Variants in SYN3 observed in about 807,000 individuals in gnomAD.
SYN3 encodes the protein synapsin III, also known as synapsin-3.
SYN3 carries 35 observed loss-of-function variants against 65.8 expected under a neutral mutation model. The observed-to-expected ratio is 0.53, with a 90% CI of 0.41 to 0.70. SYN3 has a LOEUF of 0.70. SYN3 is among the 30% of genes least tolerant of loss of function. The pLI, the probability that SYN3 is intolerant of heterozygous loss-of-function variation, is 0.00. For missense variants in SYN3, 680 were observed against 749.0 expected, an observed-to-expected ratio of 0.91 and a Z score of 1.08; for synonymous variants, 270 against 292.9, an observed-to-expected ratio of 0.92 and a Z score of 0.80.
At chr22:33,031,233 C>A (rs1056523418) in intron 1 of SYN3, among the ~76,000 whole-genome samples, 1 of 152,160 alleles carries the variant, frequency 6.6e-6, no homozygotes, top group Non-Finnish European at 1.5e-5. Context: ...GTCTGAAACT[C>A]ATCACATCCA....
chr22:32,984,845 G>T (rs1419942227), intron 2 of SYN3, among the ~76,000 whole-genome samples: 1 of 152,162 alleles, frequency 6.6e-6, no homozygotes, highest in Non-Finnish European at 1.5e-5. Context: ...ACATGGATTT[G>T]CAATCACACA....
chr22:32,679,839 C>CTTTTTTTTTTTTTTTTTTATTTTTT (rs2060498430), intron 6 of SYN3, among the ~76,000 whole-genome samples: 1 of 39,150 alleles, frequency 2.6e-5, no homozygotes, highest in African/African-American at 9.1e-5. Flanking sequence ...TGTTTTTTGG[C>CTTTTTTTTTTTTTTTTTTATTTTTT]TTTTTTTTTT....
rs765139767 is a variant in SYN3 at position 32,801,673 on chromosome 22, G to C, written c.711+63242C>G. ...GAGGCGGGGTCCCCGGGGGCCCAGC[G>C]CTATATCACTCGGCCGCCCAGGCAG... On this transcript the variant is annotated intron_variant, in intron 6 of 13. Coordinates refer to ENST00000358763, the MANE Select transcript of SYN3 (RefSeq NM_003490.4). The surrounding 1 kb of genome is among the most constrained non-coding windows in gnomAD (Gnocchi z 4.7). 10 of 170,180 alleles carry C rather than the reference G, an allele frequency of 5.9e-5. No individual in the cohort carries two copies. In the Admixed American group the frequency reaches 6.4e-4, roughly 11 times the overall value. The allele number at this position is 170,180 out of a possible 1,614,324, so 10.5% of individuals were successfully genotyped here.
At chr22:32,567,066 A>C (rs148281703) in intron 7 of SYN3, among the ~76,000 whole-genome samples, 174 of 152,244 alleles carry the variant, frequency 1.1e-3, no homozygotes, top group Middle Eastern at 3.4e-3. Context: ...GCTTGAAGAG[A>C]GCAGCAAAGT....
intron 6 of SYN3, among the ~76,000 whole-genome samples, chr22:32,668,462 G>T (rs2060320508): frequency 6.9e-6 from 1 of 144,198 alleles, no homozygotes; most frequent in Non-Finnish European, 1.5e-5. Flanking sequence ...AATCAGTTTT[G>T]TTTCTCCTCA....
At chr22:32,644,572 G>C (rs1410563166) in intron 6 of SYN3, among the ~76,000 whole-genome samples, 1 of 152,186 alleles carries the variant, frequency 6.6e-6, no homozygotes, top group African/African-American at 2.4e-5. Flanking sequence ...CTGGCGGATG[G>C]ACTGACGCTC....
intron 6 of SYN3, among the ~76,000 whole-genome samples, chr22:32,703,473 C>A (rs746886380): frequency 1.3e-5 from 2 of 152,040 alleles, no homozygotes; most frequent in African/African-American, 2.4e-5. Flanking sequence ...CCCGTCTCTA[C>A]TAAGAATACA....
At chr22:32,959,370 G>C (rs776439342) in intron 3 of SYN3, among the ~76,000 whole-genome samples, 10 of 151,990 alleles carry the variant, frequency 6.6e-5, no homozygotes, top group Non-Finnish European at 1.0e-4. Flanking sequence ...CCCAGTCTCG[G>C]GTATGTCTTT....
At chr22:33,001,353 G>A (rs1410851243) in intron 2 of SYN3, among the ~76,000 whole-genome samples, 2 of 152,144 alleles carry the variant, frequency 1.3e-5, no homozygotes, top group Non-Finnish European at 2.9e-5. Context: ...AAATTTAAAT[G>A]TTATGTCTGA....
chr22:32,890,983 C>T (rs2049429895), intron 4 of SYN3, among the ~76,000 whole-genome samples: 1 of 152,162 alleles, frequency 6.6e-6, no homozygotes. Context: ...CAACTGGAAG[C>T]ACTTGCTGGA....
chr22:32,752,599 G>A (rs2045163615), intron 6 of SYN3, among the ~76,000 whole-genome samples: 1 of 152,226 alleles, frequency 6.6e-6, no homozygotes, highest in African/African-American at 2.4e-5. Flanking sequence ...GCGTGCCGGG[G>A]CTCTGCTGTC....
intron 6 of SYN3, among the ~76,000 whole-genome samples, chr22:32,742,101 A>G (rs1345271008): frequency 1.3e-5 from 2 of 151,644 alleles, no homozygotes; most frequent in African/African-American, 4.8e-5. Context: ...GTAAAACCCC[A>G]CCTCTACTAA....
chr22:32,544,089 C>T (rs1037224664), intron 7 of SYN3, among the ~76,000 whole-genome samples: 11 of 152,174 alleles, frequency 7.2e-5, no homozygotes, highest in Admixed American at 3.9e-4. Context: ...CAGGCGTGCA[C>T]CACCATGCCC....
chr22:32,790,406 C>CTTTATTTATTTA (rs130557), intron 6 of SYN3, among the ~76,000 whole-genome samples: 23,440 of 145,618 alleles, frequency 0.16, 2,017 homozygotes, highest in Admixed American at 0.21. Context: ...TTAAATTAAA[C>CTTTATTTATTTA]TTTATTTATT....
chr22:32,978,453 C>T (rs1025109951), intron 3 of SYN3, among the ~76,000 whole-genome samples: 2 of 152,074 alleles, frequency 1.3e-5, no homozygotes, highest in African/African-American at 4.8e-5. Context: ...AGAACCACAC[C>T]GCATTCCCTG....
At chr22:32,597,204 CTTTTTTTTTTTTTTTTTT>C (rs6147592) in intron 6 of SYN3, among the ~76,000 whole-genome samples, 2 of 87,372 alleles carry the variant, frequency 2.3e-5, no homozygotes, top group East Asian at 3.5e-4. Flanking sequence ...ACATTATTCT[CTTTTTTTTTTTTTTTTTT>C]TTTTTTTTTT....
At chr22:32,780,079 AGAG>A (rs1251889042) in intron 6 of SYN3, among the ~76,000 whole-genome samples, 276 of 19,954 alleles carry the variant, frequency 0.014, 1 homozygote, top group African/African-American at 0.063. Context: ...AAAAAAAAAA[AGAG>A]AGAGAAAAAA....
intron 3 of SYN3, among the ~76,000 whole-genome samples, chr22:32,949,614 T>G (rs1043691720): frequency 3.9e-5 from 6 of 152,110 alleles, no homozygotes; most frequent in African/African-American, 1.4e-4. Flanking sequence ...TGTAGGGTCT[T>G]TGGCTGCATT....
chr22:32,684,735 T>A (rs1472588448), intron 6 of SYN3, among the ~76,000 whole-genome samples: 1 of 152,180 alleles, frequency 6.6e-6, no homozygotes, highest in Non-Finnish European at 1.5e-5. Flanking sequence ...TACACGTTCA[T>A]GAAAAGGGGC....
Sources: allele counts gnomAD v4.1 joint callset (sites outside exome capture counted in the v4.1 genomes callset), GRCh38; gene constraint gnomAD v4.1.1; non-coding constraint Gnocchi (gnomAD v3.1); transcripts MANE v1.5; gene names NCBI Gene and HGNC (gene_info 2026-07-23, HGNC 2026-07-21).